ACYP2: variants seen among roughly 807,000 people sequenced by gnomAD.
The protein encoded by ACYP2 is acylphosphatase-2.
In ACYP2, 12 loss-of-function variants were observed where a neutral mutation model predicts 11.2. The ratio of observed to expected loss-of-function variants is 1.08; its 90% CI spans 0.69 to 1.74. The LOEUF (loss-of-function observed/expected upper bound fraction) is 1.74. Among genes scored for constraint, ACYP2 ranks in the 40% most tolerant of loss-of-function variants. The pLI is 0.00. For missense variants in ACYP2, 134 were observed against 101.9 expected (o/e 1.31, Z -1.35); for synonymous variants, 43 against 32.2 (o/e 1.33, Z -1.13).
At chr2:54,200,336 C>CTA (rs1291623319) in intron 6 of ACYP2, among the ~76,000 whole-genome samples, 1 of 152,008 alleles carries the variant, frequency 6.6e-6, no homozygotes, top group Admixed American at 6.6e-5. Flanking sequence ...ATATACAAGG[C>CTA]TACTGTGAAG....
At chr2:54,016,357 T>C (rs529484363) in intron 2 of ACYP2, among the ~76,000 whole-genome samples, 1 of 151,752 alleles carries the variant, frequency 6.6e-6, no homozygotes, top group Non-Finnish European at 1.5e-5. Context: ...TACATTCTTA[T>C]TAATTTTTTT....
At chr2:54,290,850 G>A (rs778306845) in intron 6 of ACYP2, among the ~76,000 whole-genome samples, 3 of 152,134 alleles carry the variant, frequency 2.0e-5, no homozygotes, top group Non-Finnish European at 2.9e-5. Context: ...CATCCTTAAA[G>A]CAATCTTCCT....
intron 6 of ACYP2, among the ~76,000 whole-genome samples, chr2:54,176,142 T>G (rs1683449540): frequency 6.6e-6 from 1 of 152,180 alleles, no homozygotes; most frequent in Non-Finnish European, 1.5e-5. Flanking sequence ...GGTATTTTGT[T>G]TAGTAGCCCA....
At chr2:54,253,476 A>G (rs1687334648) in intron 6 of ACYP2, 2 of 152,370 alleles carry the variant, frequency 1.3e-5, no homozygotes, top group East Asian at 3.9e-4. Context: ...GTAAGGCCAT[A>G]TGCAAACAAG....
chr2:54,149,280 C>G (rs1682037618), intron 6 of ACYP2, among the ~76,000 whole-genome samples: 1 of 152,222 alleles, frequency 6.6e-6, no homozygotes, highest in Non-Finnish European at 1.5e-5. Context: ...TAGAGATGGC[C>G]TGGCTGTGAT....
intron 6 of ACYP2, among the ~76,000 whole-genome samples, chr2:54,265,744 A>G (rs2104060571): frequency 6.6e-6 from 1 of 152,356 alleles, no homozygotes; most frequent in African/African-American, 2.4e-5. Context: ...CTTAGTTACT[A>G]AATAACCTTG....
intron 4 of ACYP2, among the ~76,000 whole-genome samples, chr2:54,070,813 T>G (rs1420322048): frequency 6.6e-6 from 1 of 151,546 alleles, no homozygotes; most frequent in African/African-American, 2.4e-5. Context: ...TATGGCTCAC[T>G]GCAGTCTCCA....
chr2:53,984,406 C>T (rs1671914813), intron 2 of ACYP2, among the ~76,000 whole-genome samples: 1 of 151,706 alleles, frequency 6.6e-6, no homozygotes, highest in Admixed American at 6.6e-5. Context: ...GGTGAAACTC[C>T]ATCTCTACTC....
chr2:54,135,395 C>CATAT (rs1234430160), intron 4 of ACYP2, 58 bp from the exon 2 acceptor site: 32 of 1,542,152 alleles, frequency 2.1e-5, no homozygotes, highest in Non-Finnish European at 2.8e-5. Flanking sequence ...AGTCAGGAAA[C>CATAT]ATATAACCTT....
At chr2:54,168,962 T>C (rs1352616652) in intron 6 of ACYP2, among the ~76,000 whole-genome samples, 1 of 152,256 alleles carries the variant, frequency 6.6e-6, no homozygotes, top group Non-Finnish European at 1.5e-5. Context: ...GCCAAAGCTT[T>C]ATTTTTGGCG....
intron 6 of ACYP2, among the ~76,000 whole-genome samples, chr2:54,196,794 T>C (rs1684500558): frequency 2.0e-5 from 3 of 152,238 alleles, no homozygotes; most frequent in South Asian, 2.1e-4. Flanking sequence ...CAGAGGACCA[T>C]GGTGCTAGAA....
chr2:54,045,021 A>G (rs1314340604), intron 2 of ACYP2, among the ~76,000 whole-genome samples: 1 of 152,222 alleles, frequency 6.6e-6, no homozygotes, highest in Non-Finnish European at 1.5e-5. Flanking sequence ...ACAAGATTAT[A>G]GTGTCCCTAA....
chr2:54,273,198 A>G lies in ACYP2; in HGVS notation c.405-31490A>G, dbSNP rs887102292. ...CCCAATTTTGAACAAATGACAAACT[A>G]TGGTGCACATGCATTAACATTTCTG... On this transcript the variant is annotated intron_variant, in intron 6 of 6. Transcript: ENST00000607452. 5.3e-5 allele frequency among the ~76,000 whole-genome samples: 8 copies of G among 152,354 alleles called. No homozygotes were observed. In the South Asian group the frequency reaches 8.3e-4, roughly 16 times the overall value.
Position 54,223,475 on chromosome 2 carries a change from T to G in ACYP2, c.405-81213T>G, listed in dbSNP as rs141864088. On this transcript the variant is annotated intron_variant, in intron 6 of 6. Coordinates refer to ENST00000607452, the MANE Select transcript of ACYP2 (RefSeq NM_001320586.2). ...CCAGACCACTTTTCCTATTAGCTAT[T>G]CAGAGTGAATTTTAGGAGCTTGAAA... Among the ~76,000 whole-genome samples, 67 of 152,328 alleles carry G rather than the reference T, an allele frequency of 4.4e-4. 1 individual carries two copies. In the East Asian group the frequency reaches 0.013, roughly 28 times the overall value.
At chr2:54,045,555 A>T (rs543139708) in intron 2 of ACYP2, among the ~76,000 whole-genome samples, 13 of 152,190 alleles carry the variant, frequency 8.5e-5, no homozygotes, top group South Asian at 4.2e-4. Flanking sequence ...GTTGGCTCAC[A>T]CCTGTAATCC....
chr2:54,187,388 G>C (rs762296511), intron 6 of ACYP2, among the ~76,000 whole-genome samples: 16 of 152,188 alleles, frequency 1.1e-4, no homozygotes, highest in Non-Finnish European at 2.4e-4. Context: ...GCACATCTTG[G>C]GAGTGGCAGG....
At chr2:54,176,170 C>T (rs1193540297) in intron 6 of ACYP2, among the ~76,000 whole-genome samples, 2 of 152,088 alleles carry the variant, frequency 1.3e-5, no homozygotes, top group African/African-American at 4.8e-5. Context: ...TAAGACATCC[C>T]CCTAGCATAA....
At chr2:54,024,269 T>C (rs1573544344) in intron 2 of ACYP2, among the ~76,000 whole-genome samples, 1 of 151,996 alleles carries the variant, frequency 6.6e-6, no homozygotes, top group Non-Finnish European at 1.5e-5. Context: ...AGGAGGCTGA[T>C]GCAGGAGAAT....
At position 54,297,422 on chromosome 2, in the gene ACYP2, C is replaced by T. The variant is rs181189024; in HGVS notation, c.405-7266C>T. On this transcript the variant is annotated intron_variant, in intron 6 of 6. Coordinates refer to ENST00000607452, the MANE Select transcript of ACYP2 (RefSeq NM_001320586.2). ...CTGAGATGGGAGGATAGCTGAAGCT[C>T]AGGAGTTCGAGATTACAGTGCACTA... Among the ~76,000 whole-genome samples the T allele has an allele frequency of 5.3e-5, 8 of 152,222 alleles. No homozygotes were observed. In the East Asian group the frequency reaches 1.5e-3, roughly 29 times the overall value.
Sources: allele counts gnomAD v4.1 joint callset (sites outside exome capture counted in the v4.1 genomes callset), GRCh38; gene constraint gnomAD v4.1.1; transcripts MANE v1.5; gene names NCBI Gene and HGNC (gene_info 2026-07-23, HGNC 2026-07-21).